Variants in TSGA10 observed in about 807,000 individuals in gnomAD.
TSGA10 encodes testis specific 10.
Under a neutral mutation model 96.6 loss-of-function variants are expected in TSGA10, and 43 were observed. The observed-to-expected ratio is 0.44, with a 90% CI of 0.35 to 0.57. TSGA10 has a LOEUF of 0.57. TSGA10 is among the 20% of genes least tolerant of loss of function. The pLI, the probability that TSGA10 is intolerant of heterozygous loss-of-function variation, is 0.01. For missense variants in TSGA10, 703 were observed against 834.4 expected, an observed-to-expected ratio of 0.84 and a Z score of 1.94; for synonymous variants, 229 against 269.9, an observed-to-expected ratio of 0.85 and a Z score of 1.48.
Position 99,147,302 on chromosome 2 carries a change from C to T in TSGA10, c.-621+7391G>A, listed in dbSNP as rs562626854. ...AGGCGTGAGCCATTGTGCCCAGCCG[C>T]GTAGCCTATCTTAATATCTAGTAAA... On this transcript the variant is annotated intron_variant, in intron 1 of 20. Coordinates refer to ENST00000393483, the MANE Select transcript of TSGA10 (RefSeq NM_025244.4). 399 of 632,932 alleles carry T rather than the reference C, an allele frequency of 6.3e-4. 1 individual carries two copies. The highest frequency in any genetic ancestry group is 1.3e-3 in the Admixed American group (48 of 37,796). The allele number at this position is 632,932 out of a possible 1,614,324, so 39.2% of individuals were successfully genotyped here. A position where few individuals can be genotyped will look rare whatever the true frequency, so the allele number is the denominator to read the frequency against.
At chr2:99,144,435 C>T (rs947940426) in intron 1 of TSGA10, among the ~76,000 whole-genome samples, 1 of 151,482 alleles carries the variant, frequency 6.6e-6, no homozygotes, top group Admixed American at 6.6e-5. Flanking sequence ...ATCACTCTCC[C>T]GAACTGCCTG....
At chr2:99,037,436 T>C (rs1307002019) in intron 16 of TSGA10, among the ~76,000 whole-genome samples, 5 of 152,332 alleles carry the variant, frequency 3.3e-5, no homozygotes, top group African/African-American at 1.2e-4. Flanking sequence ...ATTTAGAATA[T>C]TTTGAATGAA....
intron 16 of TSGA10, among the ~76,000 whole-genome samples, chr2:99,037,363 A>C (rs889853804): frequency 6.6e-5 from 10 of 152,220 alleles, no homozygotes; most frequent in African/African-American, 2.4e-4. Flanking sequence ...ATCCCAAAAT[A>C]TTTAGAAATT....
chr2:99,141,569 G>C (rs1254892480), intron 1 of TSGA10: 2 of 153,216 alleles, frequency 1.3e-5, no homozygotes, highest in South Asian at 4.0e-4. Context: ...GCAGGCGCAC[G>C]CCCACGCAGC....
intron 10 of TSGA10, among the ~76,000 whole-genome samples, chr2:99,098,815 A>T (rs2090384588): frequency 6.6e-6 from 1 of 152,194 alleles, no homozygotes; most frequent in Non-Finnish European, 1.5e-5. Flanking sequence ...AACTTGCGTA[A>T]GAAGGAAATT....
chr2:99,095,790 G>A (rs993314159), intron 10 of TSGA10, among the ~76,000 whole-genome samples: 69 of 152,234 alleles, frequency 4.5e-4, no homozygotes, highest in African/African-American at 1.3e-3. Context: ...ACAGGCACAC[G>A]CCACCACGCC....
Position 99,150,564 on chromosome 2 carries a change from A to AT in TSGA10, c.-621+4128dup, listed in dbSNP as rs759072299. 18 of 1,613,142 alleles carry AT rather than the reference A, an allele frequency of 1.1e-5. No homozygotes were observed. In the South Asian group the frequency reaches 1.9e-4, roughly 17 times the overall value. ...ACATTTGTTCAGCTATCCTAATGGG[A>AT]TTTTCACTTAGTAAATCTGCTACTC... On this transcript the variant is annotated intron_variant, in intron 1 of 20. Coordinates refer to ENST00000393483, the MANE Select transcript of TSGA10 (RefSeq NM_025244.4).
At chr2:99,089,293 A>G (rs1234265651) in intron 10 of TSGA10, among the ~76,000 whole-genome samples, 1 of 152,188 alleles carries the variant, frequency 6.6e-6, no homozygotes, top group East Asian at 1.9e-4. Flanking sequence ...ATTGTCTCAC[A>G]GGGGTCCTTG....
rs1187248934 is a variant in TSGA10, at chr2:99,146,324, T to TA, written c.-621+8368dup. Among the ~76,000 whole-genome samples the TA allele has an allele frequency of 5.3e-5, 8 of 152,374 alleles. No homozygotes were observed. The East Asian group carries it at 1.2e-3, about 22-fold the overall frequency. On this transcript the variant is annotated intron_variant, in intron 1 of 20. Transcript: ENST00000393483. ...TTTTTATATCCTTTGCCCATTTTTCTATTGGGTTTTCTTTTTCCTTGCTAA... is the reference window on the plus strand; with the variant it reads ...TTTTTATATCCTTTGCCCATTTTTCTAATTGGGTTTTCTTTTTCCTTGCTAA...
chr2:99,031,969 A>C (rs2081179180), intron 17 of TSGA10, among the ~76,000 whole-genome samples: 1 of 152,256 alleles, frequency 6.6e-6, no homozygotes, highest in African/African-American at 2.4e-5. Context: ...TTGACTGCAC[A>C]GAGACCTTAA....
intron 11 of TSGA10, among the ~76,000 whole-genome samples, chr2:99,081,063 C>T (rs1282086651): frequency 6.6e-6 from 1 of 152,092 alleles, no homozygotes; most frequent in African/African-American, 2.4e-5. Context: ...TTAGCTATTA[C>T]TTCATTGATA....
chr2:99,081,643 C>T (rs938133406), intron 10 of TSGA10, among the ~76,000 whole-genome samples: 3 of 152,076 alleles, frequency 2.0e-5, no homozygotes, highest in African/African-American at 7.2e-5. Context: ...CCTTAGGTCC[C>T]CTAATGCCAA....
chr2:99,000,396 C>G (rs984463885), intron 20 of TSGA10, among the ~76,000 whole-genome samples: 31 of 151,670 alleles, frequency 2.0e-4, no homozygotes, highest in African/African-American at 7.5e-4. Flanking sequence ...GTAATCTCAC[C>G]TACTCAGGGA....
intron 17 of TSGA10, among the ~76,000 whole-genome samples, chr2:99,034,893 T>C (rs1447260011): frequency 6.6e-6 from 1 of 152,190 alleles, no homozygotes; most frequent in African/African-American, 2.4e-5. Flanking sequence ...GGCCAATTAG[T>C]AAATAAATTT....
intron 10 of TSGA10, among the ~76,000 whole-genome samples, chr2:99,091,363 A>AATACATACATGCATGCATGC (rs1202818149): frequency 1.4e-4 from 22 of 152,148 alleles, no homozygotes; most frequent in Admixed American, 1.4e-3. Flanking sequence ...ACAGTAAGTA[A>AATACATACATGCATGCATGC]ATACATACAT....
chr2:99,081,093 G>C (rs909264464), intron 11 of TSGA10, among the ~76,000 whole-genome samples, 189 bp downstream of exon 11: 3 of 152,048 alleles, frequency 2.0e-5, no homozygotes, highest in African/African-American at 7.2e-5. Context: ...TTATCACTAA[G>C]TACTTATGGT....
chr2:99,114,182 T>C (rs2092053867), intron 4 of TSGA10, among the ~76,000 whole-genome samples: 1 of 152,172 alleles, frequency 6.6e-6, no homozygotes, highest in Non-Finnish European at 1.5e-5. Flanking sequence ...TCTTAAACAC[T>C]AGAAACCCAA....
chr2:99,008,849 T>G (rs963970057), intron 20 of TSGA10, among the ~76,000 whole-genome samples: 42 of 152,208 alleles, frequency 2.8e-4, no homozygotes, highest in African/African-American at 9.6e-4. Context: ...AAAAAAGGAC[T>G]AAGGAGAATC....
chr2:99,152,761 T>C (rs2093705109), intron 1 of TSGA10, among the ~76,000 whole-genome samples: 1 of 152,086 alleles, frequency 6.6e-6, no homozygotes, highest in African/African-American at 2.4e-5. Context: ...CAGGATGTAG[T>C]CATGGTTTGG....
Sources: gnomAD v4.1 joint callset for allele counts (sites outside exome capture counted in the v4.1 genomes callset) on GRCh38, gnomAD v4.1.1 for gene constraint, MANE v1.5 for transcripts, NCBI Gene and HGNC (gene_info 2026-07-23, HGNC 2026-07-21) for gene names.